Variants in LNX1 observed in about 807,000 individuals in gnomAD.
LNX1 encodes the protein E3 ubiquitin-protein ligase LNX.
Under a neutral mutation model 68.4 loss-of-function variants are expected in LNX1, and 54 were observed. The ratio of observed to expected loss-of-function variants is 0.79; its 90% confidence interval spans 0.63 to 0.99. The LOEUF (loss-of-function observed/expected upper bound fraction) is 0.99, where lower values mean the gene tolerates loss of function less well. Ranked by LOEUF, LNX1 falls within the 50% of genes least tolerant of loss-of-function variation. The pLI is 0.00. For synonymous variants in LNX1, 336 were observed against 350.0 expected (o/e 0.96, Z 0.45); for missense variants, 906 against 926.4 (o/e 0.98, Z 0.29).
rs535262639 is a variant in LNX1 at position 53,527,279 on chromosome 4, T to C, written c.381-19052A>G. ...GAACTAGCAGATTCAAGGTGTAAGC[T>C]ATTTTTCTAAGACAAGGATTATTTA... On this transcript the variant is annotated intron_variant, in intron 2 of 10. Transcript: ENST00000263925. 1.7e-4 allele frequency among the ~76,000 whole-genome samples: 26 copies of C among 152,340 alleles called. 1 individual carries two copies. In the East Asian group the frequency reaches 5.0e-3, roughly 29 times the overall value.
chr4:53,573,911 T>C lies in LNX1; in HGVS notation c.92A>G (p.Tyr31Cys). The change falls in exon 2 of 11, where the codon TAT becomes TGT. Residue 31 changes from tyrosine (Y) to cysteine (C), a missense_variant. Transcript: ENST00000263925. ...GAGGTCATCATCCACTTCCTCTGGA[T>C]AGCTGTAGAAGTGGTTTTCCTCCAA... is the stretch of plus-strand genomic sequence containing the variant. ...HSLEENHFYSYPEEVDDDLIC... is the reference protein window; with the variant it reads ...HSLEENHFYSCPEEVDDDLIC... 1 of 1,613,756 alleles carries C rather than the reference T, an allele frequency of 6.2e-7. No individual in the cohort carries two copies. Among genetic ancestry groups the C allele is most frequent in the Non-Finnish European group, 8.5e-7 (1 of 1,179,824 alleles).
At chr4:53,523,408 T>A (rs1435714022) in intron 2 of LNX1, 1 of 152,298 alleles carries the variant, frequency 6.6e-6, no homozygotes, top group Non-Finnish European at 1.5e-5. Context: ...TGCCTCAGCC[T>A]CCTGAGTAGT....
At chr4:53,600,707 T>C (rs1035262223) in intron 2 of LNX1, among the ~76,000 whole-genome samples, 2 of 148,882 alleles carry the variant, frequency 1.3e-5, no homozygotes, top group African/African-American at 4.9e-5. Context: ...GGACGGCCTC[T>C]GTTTTTTTAT....
upstream of LNX1, among the ~76,000 whole-genome samples, chr4:53,619,016 G>GC (rs1246764082): frequency 6.6e-6 from 1 of 152,070 alleles, no homozygotes; most frequent in Non-Finnish European, 1.5e-5. Context: ...CTCCCAAAGT[G>GC]CTGGGATTAC....
chr4:53,512,009 T>C (rs1726378791), intron 2 of LNX1, among the ~76,000 whole-genome samples: 1 of 152,218 alleles, frequency 6.6e-6, no homozygotes, highest in Admixed American at 6.5e-5. Flanking sequence ...CACTGTTGCA[T>C]TAGCAAACAT....
chr4:53,613,046 T>C (rs1733553491), intron 2 of LNX1, among the ~76,000 whole-genome samples: 1 of 150,706 alleles, frequency 6.6e-6, no homozygotes, highest in African/African-American at 2.5e-5. Context: ...TATGTCTACC[T>C]ACGATTATAT....
chr4:53,504,451 A>G (rs1202175417), intron 4 of LNX1, among the ~76,000 whole-genome samples: 1 of 152,210 alleles, frequency 6.6e-6, no homozygotes, highest in African/African-American at 2.4e-5. Context: ...GTTTAAGGGA[A>G]TGTTGTGGCT....
intron 2 of LNX1, among the ~76,000 whole-genome samples, chr4:53,598,045 TTGTCCAACA>T (rs1286392881): frequency 2.0e-5 from 3 of 152,174 alleles, no homozygotes; most frequent in Non-Finnish European, 4.4e-5. Context: ...GTAAAGTAAC[TTGTCCAACA>T]TGCCTGGTTG....
chr4:53,557,999 C>A, intron 2 of LNX1: 1 of 1,612,376 alleles, frequency 6.2e-7, no homozygotes, highest in Non-Finnish European at 8.5e-7. Flanking sequence ...TCCCTGGCCA[C>A]CTTCTGTCAG....
chr4:53,583,863 T>C (rs1385261196), intron 1 of LNX1, among the ~76,000 whole-genome samples: 1 of 152,144 alleles, frequency 6.6e-6, no homozygotes, highest in African/African-American at 2.4e-5. Context: ...TTGTAAAAAC[T>C]CTGTAACAGA....
At chr4:53,469,995 G>T (rs1723030916) in intron 9 of LNX1, among the ~76,000 whole-genome samples, 1 of 152,048 alleles carries the variant, frequency 6.6e-6, no homozygotes. Context: ...ATTTTATGAG[G>T]CCAGCATTAT....
chr4:53,626,303 T>A (rs565624347), intron 1 of LNX1, among the ~76,000 whole-genome samples: 5 of 152,324 alleles, frequency 3.3e-5, no homozygotes, highest in Admixed American at 6.5e-5. Context: ...AAAAATGTTC[T>A]GAAATTTAAT....
At chr4:53,531,494 G>A (rs546471777) in intron 2 of LNX1, among the ~76,000 whole-genome samples, 2 of 152,198 alleles carry the variant, frequency 1.3e-5, no homozygotes, top group African/African-American at 4.8e-5. Flanking sequence ...CTCCCTGGAT[G>A]AGACACACGG....
chr4:53,550,327 T>TACG (rs1729413569), intron 2 of LNX1, among the ~76,000 whole-genome samples: 1 of 152,220 alleles, frequency 6.6e-6, no homozygotes, highest in African/African-American at 2.4e-5. Flanking sequence ...CCTGTTGGAA[T>TACG]ATGATTTCTC....
intron 2 of LNX1, among the ~76,000 whole-genome samples, chr4:53,525,859 G>A (rs1727573146): frequency 6.6e-6 from 1 of 152,178 alleles, no homozygotes; most frequent in African/African-American, 2.4e-5. Context: ...TGGCAAGCTA[G>A]GCTGGGCTGG....
intron 2 of LNX1, among the ~76,000 whole-genome samples, chr4:53,615,258 G>A (rs916601933): frequency 1.3e-5 from 2 of 152,176 alleles, no homozygotes; most frequent in Non-Finnish European, 2.9e-5. Context: ...AGCAGTAGTT[G>A]GCGAATGCTG....
chr4:53,601,222 G>A (rs1298323761), intron 2 of LNX1, among the ~76,000 whole-genome samples: 1 of 152,022 alleles, frequency 6.6e-6, no homozygotes, highest in African/African-American at 2.4e-5. Flanking sequence ...TAACTAGACC[G>A]GGGATCCCTA....
intron 1 of LNX1, among the ~76,000 whole-genome samples, chr4:53,586,039 A>G (rs529528255): frequency 9.2e-5 from 14 of 152,156 alleles, no homozygotes; most frequent in Non-Finnish European, 1.8e-4. Flanking sequence ...ACTCTACCCT[A>G]TTAGAAAATG....
chr4:53,603,080 G>T (rs1164479092), intron 2 of LNX1: 1 of 152,198 alleles, frequency 6.6e-6, no homozygotes, highest in Non-Finnish European at 1.5e-5. Context: ...TCAATGCTCA[G>T]ATTGGCAAAG....
Sources: allele counts gnomAD v4.1 joint callset (sites outside exome capture counted in the v4.1 genomes callset), GRCh38; gene constraint gnomAD v4.1.1; transcripts MANE v1.5; gene names NCBI Gene and HGNC (gene_info 2026-07-23, HGNC 2026-07-21).